The following EFL1 variants were observed in gnomAD, a reference collection of about 807,000 sequenced individuals.
EFL1 encodes the protein elongation factor-like GTPase 1.
In EFL1, 76 loss-of-function variants were observed where a neutral mutation model predicts 126.7. The ratio of observed to expected loss-of-function variants is 0.60; its 90% CI spans 0.50 to 0.73. EFL1 has a LOEUF of 0.73. Ranked by LOEUF, EFL1 falls within the 30% of genes least tolerant of loss-of-function variation. The probability of loss-of-function intolerance (pLI) is 0.00; values close to 1 mark genes in which losing one functional copy is unlikely to be tolerated. For synonymous variants in EFL1, 410 were observed against 448.4 expected (o/e 0.91, Z 1.08); for missense variants, 1,128 against 1,343.2 (o/e 0.84, Z 2.50).
chr15:82,223,043 C>T (rs549412764), intron 12 of EFL1, among the ~76,000 whole-genome samples: 2 of 152,288 alleles, frequency 1.3e-5, no homozygotes, highest in South Asian at 2.1e-4. Flanking sequence ...AGTGTCTTCA[C>T]TAAGTTAGGG....
intron 15 of EFL1, among the ~76,000 whole-genome samples, chr15:82,170,491 T>C (rs1432183812): frequency 6.6e-6 from 1 of 152,206 alleles, no homozygotes. Flanking sequence ...GTGAAAAGAC[T>C]TTTCCATCCC....
chr15:82,239,263 AG>A (rs1216939400), intron 6 of EFL1, among the ~76,000 whole-genome samples: 2 of 151,918 alleles, frequency 1.3e-5, no homozygotes, highest in African/African-American at 4.8e-5. Flanking sequence ...CAGCCTCCCT[AG>A]TAGCTGGGAC....
intron 15 of EFL1, among the ~76,000 whole-genome samples, chr15:82,193,660 A>T (rs1397290055): frequency 6.6e-6 from 1 of 152,234 alleles, no homozygotes; most frequent in South Asian, 2.1e-4. Flanking sequence ...GTATTTTGCA[A>T]CTTAAATTCT....
At chr15:82,135,136 G>C (rs141792096) in intron 19 of EFL1, among the ~76,000 whole-genome samples, 1 of 152,246 alleles carries the variant, frequency 6.6e-6, no homozygotes, top group African/African-American at 2.4e-5. Flanking sequence ...AGGTGGCAAG[G>C]ACATGGCAGA....
Position 82,205,262 on chromosome 15 carries a change from C to A in EFL1, c.1750+9455G>T, listed in dbSNP as rs138054096. 6.4e-3 allele frequency among the ~76,000 whole-genome samples: 968 copies of A among 152,306 alleles called. 9 individuals are homozygous for A. Among genetic ancestry groups the A allele is most frequent in the African/African-American group, 0.021 (886 of 41,556 alleles). On this transcript the variant is annotated intron_variant, in intron 15 of 19. Transcript: ENST00000268206. Reference sequence around the variant, plus strand: ...TGGACTACCCATCTCCACTTCTTCCCAGAACCTCATTACCGTCCAATTTAG... The same window carrying A: ...TGGACTACCCATCTCCACTTCTTCCAAGAACCTCATTACCGTCCAATTTAG...
At chr15:82,138,538 G>A (rs1436425342) in intron 19 of EFL1, 120 bp downstream of exon 19, 10 of 1,151,532 alleles carry the variant, frequency 8.7e-6, no homozygotes, top group Non-Finnish European at 1.2e-5. Flanking sequence ...CCATTTGACT[G>A]AGTTGAGCCA....
rs557294614 is a variant in EFL1 at position 82,194,158 on chromosome 15, T to C, written c.1750+20559A>G. 5.3e-4 allele frequency among the ~76,000 whole-genome samples: 80 copies of C among 152,272 alleles called. No individual in the cohort carries two copies. In the Middle Eastern group the frequency reaches 0.01, roughly 19 times the overall value. ...CAGCTGGGTTTGGTCAGTAGTGCCATTGGGCGGACTGGATCTTCAGCCCAA... is the reference window on the plus strand; with the variant it reads ...CAGCTGGGTTTGGTCAGTAGTGCCACTGGGCGGACTGGATCTTCAGCCCAA... On this transcript the variant is annotated intron_variant, in intron 15 of 19. Transcript: ENST00000268206.
chr15:82,207,286 G>GTA (rs752549886), intron 15 of EFL1, among the ~76,000 whole-genome samples: 3,651 of 139,968 alleles, frequency 0.026, 85 homozygotes, highest in East Asian at 0.077. Flanking sequence ...TTATGTGTGT[G>GTA]TATATATATA....
chr15:82,137,562 G>C lies in EFL1; in HGVS notation c.3174+1096C>G, dbSNP rs2073735279. 2.6e-5 allele frequency among the ~76,000 whole-genome samples: 4 copies of C among 152,178 alleles called. No individual in the cohort carries two copies. The South Asian group carries it at 8.3e-4, about 32-fold the overall frequency. ...TTGACCTAGGGGTGAAGAAAACTCAGGGAGGGTCCATGATTTGTCCAAATA... is the reference window on the plus strand; with the variant it reads ...TTGACCTAGGGGTGAAGAAAACTCACGGAGGGTCCATGATTTGTCCAAATA... On this transcript the variant is annotated intron_variant, in intron 19 of 19. Coordinates refer to ENST00000268206, the MANE Select transcript of EFL1 (RefSeq NM_024580.6).
intron 11 of EFL1, among the ~76,000 whole-genome samples, chr15:82,226,282 C>CTG (rs1351690450): frequency 1.3e-5 from 2 of 152,204 alleles, no homozygotes; most frequent in Non-Finnish European, 2.9e-5. Context: ...GATCCTCCTG[C>CTG]CTCAGCCTCC....
rs182755832 is a variant in EFL1 at position 82,235,176 on chromosome 15, C to G, written c.731+3131G>C. On this transcript the variant is annotated intron_variant, in intron 7 of 19. Coordinates refer to ENST00000268206, the MANE Select transcript of EFL1 (RefSeq NM_024580.6). The stretch of plus-strand genomic sequence containing the variant: ...CTCTTAGCAGCTGAGTGATGCTGAA[C>G]AAAAGTTACTTAATGTTCTTGAGAC... Among the ~76,000 whole-genome samples, 560 of 152,254 alleles carry G rather than the reference C, an allele frequency of 3.7e-3. 3 individuals carry two copies. Among genetic ancestry groups the G allele is most frequent in the Non-Finnish European group, 5.5e-3 (377 of 68,006 alleles).
intron 14 of EFL1, chr15:82,215,732 G>A (rs2141297697): frequency 6.6e-6 from 1 of 152,206 alleles, no homozygotes; most frequent in South Asian, 2.1e-4. Context: ...ACAAGCATAG[G>A]GTGACCAACA....
chr15:82,223,880 T>G (rs1289550847), intron 12 of EFL1, among the ~76,000 whole-genome samples: 3 of 152,232 alleles, frequency 2.0e-5, no homozygotes, highest in African/African-American at 7.2e-5. Flanking sequence ...ATTCACTCAT[T>G]CATTCTTCAT....
chr15:82,196,937 C>T (rs1381239632), intron 15 of EFL1, among the ~76,000 whole-genome samples: 3 of 151,512 alleles, frequency 2.0e-5, no homozygotes, highest in Admixed American at 2.0e-4. Context: ...AAGGCTGAGG[C>T]AGGAGAATCG....
intron 17 of EFL1, among the ~76,000 whole-genome samples, chr15:82,156,541 C>T (rs1049002977): frequency 2.0e-5 from 3 of 152,132 alleles, no homozygotes; most frequent in Non-Finnish European, 4.4e-5. Context: ...CCCTGGCCTC[C>T]CAAAGTGCTG....
At chr15:82,259,037 G>C (rs764695817) in intron 3 of EFL1, 51 bp downstream of exon 3, 15 of 1,516,894 alleles carry the variant, frequency 9.9e-6, no homozygotes, top group Non-Finnish European at 1.3e-5. Context: ...TCATCACATT[G>C]TTGATAGCTA....
chr15:82,145,186 C>G (rs1345910244), intron 18 of EFL1, among the ~76,000 whole-genome samples: 1 of 151,420 alleles, frequency 6.6e-6, no homozygotes, highest in Non-Finnish European at 1.5e-5. Context: ...GCCTGTAATC[C>G]CAGCTACTAG....
chr15:82,189,039 A>T (rs2074330796), intron 15 of EFL1, among the ~76,000 whole-genome samples: 1 of 151,980 alleles, frequency 6.6e-6, no homozygotes, highest in African/African-American at 2.4e-5. Flanking sequence ...CTGTGAACAC[A>T]GAGTATACTT....
intron 7 of EFL1, among the ~76,000 whole-genome samples, chr15:82,231,413 T>C (rs569596231): frequency 2.3e-4 from 35 of 152,274 alleles, no homozygotes; most frequent in African/African-American, 8.4e-4. Flanking sequence ...ACAAGATTTT[T>C]ATTATCCTAG....
Sources: gnomAD v4.1 joint callset for allele counts (sites outside exome capture counted in the v4.1 genomes callset) on GRCh38, gnomAD v4.1.1 for gene constraint, MANE v1.5 for transcripts, NCBI Gene and HGNC (gene_info 2026-07-23, HGNC 2026-07-21) for gene names.